The following HOGA1 variants were observed in gnomAD, a reference collection of about 807,000 sequenced individuals.
The protein encoded by HOGA1 is 4-hydroxy-2-oxoglutarate aldolase, mitochondrial.
A neutral mutation model predicts 34.3 loss-of-function variants in HOGA1; 30 were observed. The observed-to-expected ratio is 0.87, with a 90% confidence interval of 0.65 to 1.19. HOGA1 has a LOEUF of 1.19. HOGA1 is among the 50% of genes most tolerant of loss of function. HOGA1 has a pLI of 0.00. For missense variants in HOGA1, 417 were observed against 436.5 expected (o/e 0.96, Z 0.40); for synonymous variants, 161 against 174.0 (o/e 0.93, Z 0.59).
chr10:97,587,525 T>C (rs963101186), intron 1 of HOGA1, among the ~76,000 whole-genome samples: 1 of 152,300 alleles, frequency 6.6e-6, no homozygotes, highest in African/African-American at 2.4e-5. Context: ...GCTTTTTTTT[T>C]TGAGACAGAG....
At chr10:97,609,031 C>T (rs953550148) in intron 6 of HOGA1, among the ~76,000 whole-genome samples, 14 of 152,158 alleles carry the variant, frequency 9.2e-5, no homozygotes, top group African/African-American at 3.1e-4. Context: ...TTTACAGAAA[C>T]GACAGCTGAG....
rs2041134543 is a variant in HOGA1 at position 97,603,397 on chromosome 10, T to C, written c.834+1407T>C. 6.6e-6 allele frequency among the ~76,000 whole-genome samples: 1 copy of C among 152,026 alleles called. No individual in the cohort carries two copies. The highest frequency in any genetic ancestry group is 1.5e-5 in the Non-Finnish European group (1 of 67,990). On this transcript the variant is annotated intron_variant, in intron 6 of 6. Transcript: ENST00000370646. This position sits in a 1 kb window ranked among gnomAD's most constrained non-coding sequence, Gnocchi z 4.5. ...CTTAAGCAATCTTTTTAATTTTTTA[T>C]TTTTATTTTTGTAGAGATGGGGGTC...
At chr10:97,597,661 A>C (rs2041081727) in intron 1 of HOGA1, among the ~76,000 whole-genome samples, 1 of 152,160 alleles carries the variant, frequency 6.6e-6, no homozygotes, top group Non-Finnish European at 1.5e-5. Flanking sequence ...GATTGATTAG[A>C]AATGTGGCGC....
rs201318586 is a variant in HOGA1 at position 97,601,947 on chromosome 10, A to T, written c.791A>T (p.Asp264Val). The change falls in exon 6 of 7, where the codon GAT (aspartate) becomes GTT (valine). Residue 264 changes from aspartate (D) to valine (V), a missense_variant. By Grantham distance (152) the Asp-to-Val change is radical. Coordinates refer to ENST00000370646, the MANE Select transcript of HOGA1 (RefSeq NM_138413.4). ...CTGTGCTGCACGGGGCAATGGGAAGATGCCCAGAAACTGCAGCACCGCCTC... is the reference window on the plus strand; with the variant it reads ...CTGTGCTGCACGGGGCAATGGGAAGTTGCCCAGAAACTGCAGCACCGCCTC... The part of the protein sequence containing the change: ...ERLCCTGQWE[D>V]AQKLQHRLIE... The T allele has an allele frequency of 6.6e-5, 106 of 1,613,146 alleles. No individual in the cohort carries two copies. Among genetic ancestry groups the T allele is most frequent in the Non-Finnish European group, 8.4e-5 (99 of 1,179,912 alleles).
Position 97,610,574 on chromosome 10 carries a change from C to T in HOGA1, c.835-936C>T, listed in dbSNP as rs113047761. ...CCGAGGCGGGCAGATCACTTGAGGT[C>T]AGGAGTTTGAGACCAGCCTGGCCAA... On this transcript the variant is annotated intron_variant, in intron 6 of 6. Coordinates refer to ENST00000370646, the MANE Select transcript of HOGA1 (RefSeq NM_138413.4). 9.3e-4 allele frequency among the ~76,000 whole-genome samples: 141 copies of T among 152,310 alleles called. 1 individual carries two copies. Among genetic ancestry groups the T allele is most frequent in the African/African-American group, 2.9e-3 (121 of 41,566 alleles).
At chr10:97,605,076 C>T (rs1266245165) in intron 6 of HOGA1, among the ~76,000 whole-genome samples, 1 of 152,072 alleles carries the variant, frequency 6.6e-6, no homozygotes, top group Non-Finnish European at 1.5e-5. Flanking sequence ...CACAGCAGTA[C>T]AAATGGTGGG....
intron 6 of HOGA1, among the ~76,000 whole-genome samples, 197 bp from the exon 7 acceptor site, chr10:97,611,313 G>A (rs539435348): frequency 1.3e-5 from 2 of 152,320 alleles, no homozygotes; most frequent in East Asian, 3.9e-4. Flanking sequence ...TGAAGTTTTT[G>A]TATTTTGCTA....
At chr10:97,595,459 G>A (rs1459650600) in intron 1 of HOGA1, among the ~76,000 whole-genome samples, 1 of 152,232 alleles carries the variant, frequency 6.6e-6, no homozygotes, top group East Asian at 1.9e-4. Context: ...ACTTTGGGAG[G>A]CCAAGGCAGG....
At chr10:97,589,849 A>T (rs1235836882) in intron 1 of HOGA1, 1 of 1,445,550 alleles carries the variant, frequency 6.9e-7, no homozygotes, top group Admixed American at 1.8e-5. Context: ...AGCAGCCATC[A>T]TGCAAGGTGG....
chr10:97,589,978 T>C (rs756793346), intron 1 of HOGA1: 1 of 1,614,068 alleles, frequency 6.2e-7, no homozygotes, highest in Admixed American at 1.7e-5. Flanking sequence ...CAGAATCCCA[T>C]AAAGCAAAGA....
At chr10:97,590,855 G>C in intron 1 of HOGA1, 1 of 503,516 alleles carries the variant, frequency 2.0e-6, no homozygotes, top group East Asian at 3.5e-5. Context: ...CCCACCAAGA[G>C]AAGACAGATG....
intron 3 of HOGA1, 175 bp from the exon 4 acceptor site, chr10:97,599,505 T>A (rs1480329103): frequency 1.2e-6 from 1 of 855,526 alleles, no homozygotes; most frequent in Non-Finnish European, 1.9e-6. Context: ...TGGAAAGCAC[T>A]CCATAAATAT....
At chr10:97,595,695 A>T (rs2041064536) in intron 1 of HOGA1, among the ~76,000 whole-genome samples, 2 of 152,198 alleles carry the variant, frequency 1.3e-5, no homozygotes, top group South Asian at 4.1e-4. Flanking sequence ...ACTCTGTCTC[A>T]AAACAAAACA....
At chr10:97,611,481 A>G in intron 6 of HOGA1, 29 bp from the exon 7 acceptor site, 1 of 1,614,056 alleles carries the variant, frequency 6.2e-7, no homozygotes, top group South Asian at 1.1e-5. Flanking sequence ...CAAATTTCTC[A>G]GTCTCTTCTA....
At position 97,611,406 on chromosome 10, in the gene HOGA1, G is replaced by T. The variant is rs918645464; in HGVS notation, c.835-104G>T. 78 of 1,340,410 alleles carry T rather than the reference G, an allele frequency of 5.8e-5. No homozygotes were observed. In the Admixed American group the frequency reaches 6.7e-4, roughly 11 times the overall value. 83.0% of individuals were successfully genotyped at this position (1,340,410 alleles called of 1,614,324 possible). A position where few individuals can be genotyped will look rare whatever the true frequency, so the allele number is the denominator to read the frequency against. On this transcript the variant is annotated intron_variant, in intron 6 of 6. Transcript: ENST00000370646. ...AGAGTTGGCAGTTACTTTCCTGGGG[G>T]AAGAGGGTAGGACTTCAATGTTCTG...
At chr10:97,600,213 A>G (rs750233813) in intron 5 of HOGA1, 50 bp downstream of exon 5, 2 of 1,481,468 alleles carry the variant, frequency 1.4e-6, no homozygotes, top group South Asian at 2.3e-5. Flanking sequence ...AGAGATACCC[A>G]GGTACCTGGG....
intron 1 of HOGA1, chr10:97,589,775 C>T (rs2135714636): frequency 4.1e-6 from 3 of 734,448 alleles, no homozygotes; most frequent in East Asian, 2.5e-5. Flanking sequence ...CCAGAGATCA[C>T]CCAGCGTGCT....
chr10:97,594,897 T>A (rs369920299), intron 1 of HOGA1, among the ~76,000 whole-genome samples: 2 of 152,074 alleles, frequency 1.3e-5, no homozygotes, highest in African/African-American at 2.4e-5. Flanking sequence ...TGTAGATGGG[T>A]GCTGTCCATG....
At chr10:97,602,116 A>T in intron 6 of HOGA1, 126 bp downstream of exon 6, 1 of 1,549,910 alleles carries the variant, frequency 6.5e-7, no homozygotes, top group Non-Finnish European at 8.7e-7. Flanking sequence ...CCTTTGAGAG[A>T]ACATCCCAGT....
Sources: gnomAD v4.1 joint callset for allele counts (sites outside exome capture counted in the v4.1 genomes callset) on GRCh38, gnomAD v4.1.1 for gene constraint, Gnocchi (gnomAD v3.1) non-coding constraint, MANE v1.5 for transcripts, NCBI Gene and HGNC (gene_info 2026-07-23, HGNC 2026-07-21) for gene names.